Variants in SGCD observed in about 807,000 individuals in gnomAD.
The protein encoded by SGCD is sarcoglycan delta.
In SGCD, 18 loss-of-function variants were observed where a neutral mutation model predicts 36.6. That is an observed-to-expected ratio of 0.49 (90% CI 0.34 to 0.73). The LOEUF is 0.73. SGCD is among the 30% of genes least tolerant of loss of function. SGCD has a pLI of 0.01. For missense variants in SGCD, 387 were observed against 346.7 expected, an observed-to-expected ratio of 1.12 and a Z score of -0.92; for synonymous variants, 133 against 130.6, an observed-to-expected ratio of 1.02 and a Z score of -0.12.
At chr5:156,246,493 T>C (rs1765443422) in intron 3 of SGCD, among the ~76,000 whole-genome samples, 1 of 152,128 alleles carries the variant, frequency 6.6e-6, no homozygotes, top group East Asian at 1.9e-4. Flanking sequence ...TTAAAGCCCA[T>C]GAGAAATTCG....
At chr5:156,521,257 A>G (rs1266513162) in intron 4 of SGCD, among the ~76,000 whole-genome samples, 1 of 152,200 alleles carries the variant, frequency 6.6e-6, no homozygotes, top group Non-Finnish European at 1.5e-5. Flanking sequence ...ACTCTAGAAG[A>G]AAATCTAGGT....
At chr5:156,011,128 G>A (rs971891829) in intron 1 of SGCD, among the ~76,000 whole-genome samples, 1 of 152,146 alleles carries the variant, frequency 6.6e-6, no homozygotes, top group Non-Finnish European at 1.5e-5. Context: ...AAGGAAATGA[G>A]TATATTTTGG....
chr5:156,669,425 A>T (rs1337818247), intron 7 of SGCD, among the ~76,000 whole-genome samples: 1 of 152,236 alleles, frequency 6.6e-6, no homozygotes, highest in East Asian at 1.9e-4. Context: ...AAGACTGGTT[A>T]TTTATCTTAA....
At chr5:156,133,564 A>C (rs893871383) in intron 3 of SGCD, among the ~76,000 whole-genome samples, 1 of 152,038 alleles carries the variant, frequency 6.6e-6, no homozygotes, top group Non-Finnish European at 1.5e-5. Context: ...TGGGCCCTTA[A>C]AATGCATGTA....
chr5:156,264,175 G>A (rs1765944467), intron 3 of SGCD, among the ~76,000 whole-genome samples: 1 of 152,052 alleles, frequency 6.6e-6, no homozygotes, highest in Non-Finnish European at 1.5e-5. Context: ...AACATTTGAA[G>A]AGATAATAGC....
At chr5:156,569,452 C>G (rs1206615634) in intron 4 of SGCD, among the ~76,000 whole-genome samples, 2 of 152,006 alleles carry the variant, frequency 1.3e-5, no homozygotes, top group Non-Finnish European at 2.9e-5. Flanking sequence ...ATTAGCCAGG[C>G]ATGGTGGCAT....
intron 1 of SGCD, among the ~76,000 whole-genome samples, chr5:156,077,301 A>G (rs1760810972): frequency 6.6e-6 from 1 of 152,144 alleles, no homozygotes; most frequent in African/African-American, 2.4e-5. Context: ...TGGAAACCTC[A>G]GAGTATAATC....
chr5:156,391,014 C>G (rs1472093386), intron 3 of SGCD, among the ~76,000 whole-genome samples: 1 of 152,098 alleles, frequency 6.6e-6, no homozygotes, highest in East Asian at 1.9e-4. Context: ...CAGCAATATC[C>G]TAGGCTCTCA....
intron 3 of SGCD, among the ~76,000 whole-genome samples, chr5:156,186,141 A>C (rs922450807): frequency 1.3e-5 from 2 of 151,926 alleles, no homozygotes; most frequent in South Asian, 4.1e-4. Flanking sequence ...TAATTTACAA[A>C]AACCTGTTGA....
intron 1 of SGCD, among the ~76,000 whole-genome samples, chr5:156,098,277 C>G (rs530453222): frequency 6.6e-6 from 1 of 151,970 alleles, no homozygotes. Flanking sequence ...CTATTTCTGT[C>G]CAAATGTCTT....
chr5:155,750,345 C>A, the SGCD span, among the ~76,000 whole-genome samples: 2 of 152,194 alleles, frequency 1.3e-5, no homozygotes, highest in East Asian at 3.8e-4. Flanking sequence ...ATGCATTACT[C>A]ATTCCTTTGC....
chr5:156,329,303 C>T (rs1204408071), intron 1 of SGCD, among the ~76,000 whole-genome samples: 2 of 152,172 alleles, frequency 1.3e-5, no homozygotes, highest in Non-Finnish European at 2.9e-5. Flanking sequence ...CCAAAGCCAC[C>T]AGGCACTGAT....
intron 3 of SGCD, among the ~76,000 whole-genome samples, chr5:156,422,637 T>C (rs969016458): frequency 3.3e-5 from 5 of 152,040 alleles, no homozygotes; most frequent in Non-Finnish European, 1.5e-5. Context: ...TTTCCTTATA[T>C]ATAAAGCAGG....
At chr5:156,199,942 C>T (rs1035801187) in intron 3 of SGCD, among the ~76,000 whole-genome samples, 1 of 152,058 alleles carries the variant, frequency 6.6e-6, no homozygotes, top group Admixed American at 6.6e-5. Flanking sequence ...GAGTATATCA[C>T]CTACAAATTT....
At chr5:156,393,543 G>C (rs549708416) in intron 3 of SGCD, among the ~76,000 whole-genome samples, 115 of 152,218 alleles carry the variant, frequency 7.6e-4, no homozygotes, top group Non-Finnish European at 1.5e-3. Flanking sequence ...CTGTGTAGCG[G>C]TGGACGCACC....
chr5:156,627,165 G>A lies in SGCD; in HGVS notation c.503-20299G>A, dbSNP rs774765158. ...TTTGCTCTAATGAATTAGGAGGAAT[G>A]TCAGCTTCATCCATTTAGTGAGCTT... On this transcript the variant is annotated intron_variant, in intron 6 of 8. Transcript: ENST00000337851. 5.3e-5 allele frequency among the ~76,000 whole-genome samples: 8 copies of A among 152,334 alleles called. No individual in the cohort carries two copies. In the East Asian group the frequency reaches 5.8e-4, roughly 11 times the overall value.
At chr5:155,821,549 G>C in the SGCD span, among the ~76,000 whole-genome samples, 1 of 152,114 alleles carries the variant, frequency 6.6e-6, no homozygotes, top group Non-Finnish European at 1.5e-5. Flanking sequence ...TCCTGACCTC[G>C]TGATCCACTT....
intron 3 of SGCD, among the ~76,000 whole-genome samples, chr5:156,181,921 C>T (rs186755805): frequency 6.6e-6 from 1 of 152,196 alleles, no homozygotes; most frequent in African/African-American, 2.4e-5. Context: ...CTGAGCATGT[C>T]ATATGTAAAC....
At chr5:155,836,689 A>G in the SGCD span, among the ~76,000 whole-genome samples, 1 of 152,238 alleles carries the variant, frequency 6.6e-6, no homozygotes, top group East Asian at 1.9e-4. Flanking sequence ...CTCTTTTCAG[A>G]TATATGACTA....
Sources: gnomAD v4.1 joint callset for allele counts (sites outside exome capture counted in the v4.1 genomes callset) on GRCh38, gnomAD v4.1.1 for gene constraint, MANE v1.5 for transcripts, NCBI Gene and HGNC (gene_info 2026-07-23, HGNC 2026-07-21) for gene names.